The following IL6R variants were observed in gnomAD, a reference collection of about 807,000 sequenced individuals.
IL6R encodes interleukin-6 receptor subunit alpha.
IL6R carries 38 observed loss-of-function variants against 48.3 expected under a neutral mutation model. The observed-to-expected ratio is 0.79, with a 90% CI of 0.61 to 1.03. IL6R has a LOEUF of 1.03. IL6R is among the 50% of genes least tolerant of loss of function. The probability of loss-of-function intolerance (pLI) is 0.00; values close to 1 mark genes in which losing one functional copy is unlikely to be tolerated. For synonymous variants in IL6R, 264 were observed against 256.2 expected, an observed-to-expected ratio of 1.03 and a Z score of -0.29; for missense variants, 534 against 618.3, an observed-to-expected ratio of 0.86 and a Z score of 1.45.
At chr1:154,420,738 G>A (rs796950181) in intron 1 of IL6R, among the ~76,000 whole-genome samples, 8 of 151,912 alleles carry the variant, frequency 5.3e-5, no homozygotes, top group African/African-American at 1.9e-4. Context: ...GTTTCACCAT[G>A]TTGGCCAGGC....
At chr1:154,414,868 G>A in intron 1 of IL6R, 1 of 777,056 alleles carries the variant, frequency 1.3e-6, no homozygotes, top group South Asian at 1.4e-5. Flanking sequence ...GGCTGACTGG[G>A]GAAGCTGTTC....
intron 9 of IL6R, among the ~76,000 whole-genome samples, chr1:154,459,694 C>T (rs1002625080): frequency 3.9e-5 from 6 of 151,968 alleles, no homozygotes; most frequent in Admixed American, 1.3e-4. Flanking sequence ...AATATGCTAT[C>T]GAAAAGGCTT....
At chr1:154,424,828 C>T (rs965493005) in intron 1 of IL6R, among the ~76,000 whole-genome samples, 6 of 152,070 alleles carry the variant, frequency 3.9e-5, no homozygotes, top group African/African-American at 1.4e-4. Flanking sequence ...CCCTCAGACA[C>T]CGAGTTAAAG....
Position 154,405,807 on chromosome 1 carries a change from G to A in IL6R, c.85+93G>A. The A allele has an allele frequency of 1.1e-6, 1 of 936,586 alleles. No homozygotes were observed. 58.0% of individuals were successfully genotyped at this position (936,586 alleles called of 1,614,324 possible). ...GCAGTCTGTGGGAGGCTGGAGGGAG[G>A]AAAGGAGGTGCGACGGATCCCCTTT... On this transcript the variant is annotated intron_variant, in intron 1 of 9. Transcript: ENST00000368485. This position sits in a 1 kb window ranked among gnomAD's most constrained non-coding sequence, Gnocchi z 5.2.
chr1:154,449,000 TCTC>T (rs1405017708), intron 7 of IL6R, among the ~76,000 whole-genome samples: 4 of 146,638 alleles, frequency 2.7e-5, no homozygotes, highest in Non-Finnish European at 3.0e-5. Context: ...TTCACGCCAT[TCTC>T]CTGCCTCAGC....
chr1:154,452,847 T>C (rs1157550272), intron 8 of IL6R, among the ~76,000 whole-genome samples: 2 of 151,656 alleles, frequency 1.3e-5, no homozygotes, highest in Non-Finnish European at 2.9e-5. Flanking sequence ...TCTCCCTTGA[T>C]TGGATGTAAG....
In IL6R at chr1:154,467,763, A is replaced by G. The variant is rs1052903611; in HGVS notation, c.*2383A>G. On this transcript the variant is annotated 3_prime_UTR_variant, in exon 10 of 10. Transcript: ENST00000368485. ...TATGAACAATAACAGTTAAGAAAAA[A>G]AAAGGCAGGCAGGCGGTTATGGTGG... 1 of 152,216 alleles carries G rather than the reference A, an allele frequency of 6.6e-6. No individual in the cohort carries two copies. The highest frequency in any genetic ancestry group is 1.5e-5 in the Non-Finnish European group (1 of 68,050). 9.4% of individuals were successfully genotyped at this position (152,216 alleles called of 1,614,324 possible).
chr1:154,411,617 T>C (rs1256774128), intron 1 of IL6R, among the ~76,000 whole-genome samples: 1 of 152,178 alleles, frequency 6.6e-6, no homozygotes, highest in Non-Finnish European at 1.5e-5. Flanking sequence ...AGAAAACAGC[T>C]TTGAGGGCAG....
In IL6R at chr1:154,415,317, G is replaced by A. The variant is rs1688272100; in HGVS notation, c.85+9603G>A. On this transcript the variant is annotated intron_variant, in intron 1 of 9. Transcript: ENST00000368485. ...TTTTGAATTTATTAATATTATGGATGAGGTATGAAGTCTGACTCCAGCTTT... is the reference window on the plus strand; with the variant it reads ...TTTTGAATTTATTAATATTATGGATAAGGTATGAAGTCTGACTCCAGCTTT... Among the ~76,000 whole-genome samples the A allele has an allele frequency of 2.0e-5, 3 of 152,224 alleles. No individual in the cohort carries two copies. In the South Asian group the frequency reaches 6.2e-4, roughly 31 times the overall value.
chr1:154,444,601 A>T (rs527965092), intron 6 of IL6R, among the ~76,000 whole-genome samples: 2 of 152,322 alleles, frequency 1.3e-5, no homozygotes, highest in East Asian at 3.9e-4. Context: ...TAATTTCATA[A>T]AAGAAAGGAT....
Position 154,405,431 on chromosome 1 carries a change from A to C in IL6R, c.-199A>C. On this transcript the variant is annotated 5_prime_UTR_variant, in exon 1 of 10. Transcript: ENST00000368485. The surrounding 1 kb of genome is among the most constrained non-coding windows in gnomAD (Gnocchi z 5.2). ...ACTGACACTGAGCCGGGCCAGAGGG[A>C]GAGGAGCCGAGCGCGGCGCGGGGCC... The C allele has an allele frequency of 1.9e-6, 1 of 540,280 alleles. No homozygotes were observed. Among genetic ancestry groups the C allele is most frequent in the Non-Finnish European group, 3.2e-6 (1 of 311,166 alleles). 33.5% of individuals were successfully genotyped at this position (540,280 alleles called of 1,614,324 possible).
intron 1 of IL6R, among the ~76,000 whole-genome samples, chr1:154,427,165 G>A (rs374533231): frequency 2.1e-4 from 32 of 152,164 alleles, no homozygotes; most frequent in African/African-American, 6.7e-4. Flanking sequence ...GATCCGTCTC[G>A]CCTCGGCCTC....
In IL6R at chr1:154,468,067, GTTTTGTTT is replaced by G. The variant is rs1557788708; in HGVS notation, c.*2698_*2705del. On this transcript the variant is annotated 3_prime_UTR_variant, in exon 10 of 10. Transcript: ENST00000368485. Reference sequence around the variant, plus strand: ...ATTTTTATTGTAATGGAATTGCTTTGTTTTGTTTTTTTGTTTTTGTATTGAAGAGGGTT... The same window carrying G: ...ATTTTTATTGTAATGGAATTGCTTTGTTTTGTTTTTGTATTGAAGAGGGTT... The G allele has an allele frequency of 6.6e-6, 1 of 151,776 alleles. No individual in the cohort carries two copies. The highest frequency in any genetic ancestry group is 2.4e-5 in the African/African-American group (1 of 41,106). The allele number at this position is 151,776 out of a possible 1,614,324, so 9.4% of individuals were successfully genotyped here. A position where few individuals can be genotyped will look rare whatever the true frequency, so the allele number is the denominator to read the frequency against.
chr1:154,431,226 G>C (rs929186535), intron 3 of IL6R, among the ~76,000 whole-genome samples: 4 of 152,320 alleles, frequency 2.6e-5, no homozygotes, highest in Admixed American at 2.0e-4. Flanking sequence ...GAAGACCTGG[G>C]ATGGGTTCAG....
chr1:154,447,457 A>G (rs1690299910), intron 6 of IL6R, among the ~76,000 whole-genome samples: 1 of 81,628 alleles, frequency 1.2e-5, no homozygotes, highest in Non-Finnish European at 2.2e-5. Flanking sequence ...AAAAAAAAAT[A>G]TATATATATA....
chr1:154,435,814 AC>A (rs1689592791), intron 5 of IL6R, among the ~76,000 whole-genome samples, 154 bp from the exon 6 acceptor site: 1 of 152,202 alleles, frequency 6.6e-6, no homozygotes, highest in East Asian at 1.9e-4. Flanking sequence ...CCTGAGGGCA[AC>A]CCCCTCTCTA....
chr1:154,442,791 T>C (rs896387248), intron 6 of IL6R, among the ~76,000 whole-genome samples: 24 of 150,570 alleles, frequency 1.6e-4, no homozygotes, highest in Admixed American at 8.0e-4. Context: ...TTTTCTTCTT[T>C]TTTTTTTTTT....
At position 154,434,538 on chromosome 1, in the gene IL6R, G is replaced by A. The variant is rs1368570026; in HGVS notation, c.478G>A (p.Asp160Asn). ...TAACAGTCAGAACAGTCCGGCCGAAGACTTCCAGGAGCCGTGCCAGTATTC... is the reference window on the plus strand; with the variant it reads ...TAACAGTCAGAACAGTCCGGCCGAAAACTTCCAGGAGCCGTGCCAGTATTC... ...VRKFQNSPAEDFQEPCQYSQE... is the reference protein window; with the variant it reads ...VRKFQNSPAENFQEPCQYSQE... Residue 160 changes from aspartate to asparagine, a missense_variant, in exon 4 of 10, where the codon GAC becomes AAC. Transcript: ENST00000368485. 1.2e-6 allele frequency: 2 copies of A among 1,613,794 alleles called. No individual in the cohort carries two copies. Among genetic ancestry groups the A allele is most frequent in the South Asian group, 2.2e-5 (2 of 91,056 alleles).
At chr1:154,408,966 G>A (rs1249067173) in intron 1 of IL6R, among the ~76,000 whole-genome samples, 1 of 152,072 alleles carries the variant, frequency 6.6e-6, no homozygotes, top group Non-Finnish European at 1.5e-5. Context: ...GCAACAGGGT[G>A]AGATGCCGTC....
Sources: gnomAD v4.1 joint callset for allele counts (sites outside exome capture counted in the v4.1 genomes callset) on GRCh38, gnomAD v4.1.1 for gene constraint, Gnocchi (gnomAD v3.1) non-coding constraint, MANE v1.5 for transcripts, NCBI Gene and HGNC (gene_info 2026-07-23, HGNC 2026-07-21) for gene names.